The following ANO3 variants were observed in gnomAD, a reference collection of about 807,000 sequenced individuals.
ANO3 encodes anoctamin-3.
A neutral mutation model predicts 144.8 loss-of-function variants in ANO3; 99 were observed. The observed-to-expected ratio is 0.68, with a 90% CI of 0.58 to 0.81. ANO3 has a LOEUF of 0.81. ANO3 is among the 30% of genes least tolerant of loss of function. The pLI, the probability that ANO3 is intolerant of heterozygous loss-of-function variation, is 0.00. For synonymous variants in ANO3, 414 were observed against 392.6 expected (o/e 1.05, Z -0.64); for missense variants, 905 against 1,202.2 (o/e 0.75, Z 3.66).
chr11:26,594,891 G>C (rs1851562985), intron 14 of ANO3, among the ~76,000 whole-genome samples: 1 of 152,088 alleles, frequency 6.6e-6, no homozygotes, highest in Admixed American at 6.5e-5. Flanking sequence ...CTTCCCTCAG[G>C]GGGCCAGGTT....
intron 1 of ANO3, among the ~76,000 whole-genome samples, chr11:26,366,586 T>C (rs1320143089): frequency 2.0e-5 from 3 of 152,178 alleles, no homozygotes; most frequent in African/African-American, 7.2e-5. Flanking sequence ...TAGTTTACAG[T>C]CCCACCAACA....
chr11:26,579,106 G>C (rs1293257192), intron 14 of ANO3, among the ~76,000 whole-genome samples: 2 of 152,144 alleles, frequency 1.3e-5, no homozygotes, highest in Admixed American at 1.3e-4. Flanking sequence ...TATTGAAGTG[G>C]CAAAACTGAC....
At chr11:26,367,668 G>C (rs973538954) in intron 1 of ANO3, among the ~76,000 whole-genome samples, 2 of 152,060 alleles carry the variant, frequency 1.3e-5, no homozygotes, top group Non-Finnish European at 2.9e-5. Context: ...CTTGAGGCTG[G>C]GTAATTTTTA....
intron 17 of ANO3, among the ~76,000 whole-genome samples, chr11:26,614,410 T>A (rs1460448913): frequency 6.6e-6 from 1 of 152,194 alleles, no homozygotes; most frequent in African/African-American, 2.4e-5. Context: ...GAGGTCATGG[T>A]ACTGTAGGCA....
chr11:26,434,490 C>T (rs1420216693), intron 1 of ANO3, among the ~76,000 whole-genome samples: 1 of 152,082 alleles, frequency 6.6e-6, no homozygotes, highest in African/African-American at 2.4e-5. Context: ...TTTACTCTTG[C>T]TTCTCTAGTT....
At chr11:26,455,940 C>T (rs1389323065) in intron 3 of ANO3, among the ~76,000 whole-genome samples, 1 of 151,784 alleles carries the variant, frequency 6.6e-6, no homozygotes. Context: ...ACTATCTGAT[C>T]TTTGACAAAC....
intron 5 of ANO3, chr11:26,508,623 G>A: frequency 4.6e-6 from 1 of 219,336 alleles, no homozygotes; most frequent in Non-Finnish European, 8.8e-6. Context: ...GGAACTATGA[G>A]TGGTTTTCTT....
At chr11:26,636,073 G>A (rs186236818) in intron 20 of ANO3, among the ~76,000 whole-genome samples, 2 of 152,124 alleles carry the variant, frequency 1.3e-5, no homozygotes, top group Admixed American at 1.3e-4. Context: ...GGTGGCACAT[G>A]CTTCTAGTCC....
chr11:26,589,752 C>T lies in ANO3; in HGVS notation c.1448-8613C>T, dbSNP rs1056533173. Among the ~76,000 whole-genome samples, 35 of 152,194 alleles carry T rather than the reference C, an allele frequency of 2.3e-4. 1 individual carries two copies. The highest frequency in any genetic ancestry group is 8.4e-4 in the African/African-American group (35 of 41,444). ...ACATGATCCTTCCTGTCCGGCTCCTCTCACTTAGCCCTGTGTTTTCAAGGT... is the reference window on the plus strand; with the variant it reads ...ACATGATCCTTCCTGTCCGGCTCCTTTCACTTAGCCCTGTGTTTTCAAGGT... On this transcript the variant is annotated intron_variant, in intron 14 of 26. Coordinates refer to ENST00000256737, the MANE Select transcript of ANO3 (RefSeq NM_031418.4).
Position 26,661,640 on chromosome 11 carries a change from AGTTTT to A in ANO3, c.*1203_*1207del, listed in dbSNP as rs527312003. ...AGTTTTATGTTATTATTTCTTCCAT[AGTTTT>A]GTTTTGGTTTATTTTTAACAACGCT... On this transcript the variant is annotated 3_prime_UTR_variant, in exon 27 of 27. Coordinates refer to ENST00000256737, the MANE Select transcript of ANO3 (RefSeq NM_031418.4). 27 of 152,190 alleles carry A rather than the reference AGTTTT, an allele frequency of 1.8e-4. No homozygotes were observed. Among genetic ancestry groups the A allele is most frequent in the Non-Finnish European group, 3.4e-4 (23 of 67,994 alleles). The allele number at this position is 152,190 out of a possible 1,614,324, so 9.4% of individuals were successfully genotyped here.
At chr11:26,628,962 T>C (rs1013423005) in intron 18 of ANO3, among the ~76,000 whole-genome samples, 1 of 152,080 alleles carries the variant, frequency 6.6e-6, no homozygotes, top group Non-Finnish European at 1.5e-5. Flanking sequence ...GACAAGCCCC[T>C]ATACACAAGT....
At chr11:26,392,970 A>G (rs541619985) in intron 1 of ANO3, among the ~76,000 whole-genome samples, 1 of 152,256 alleles carries the variant, frequency 6.6e-6, no homozygotes, top group East Asian at 1.9e-4. Flanking sequence ...TGTAAATTCT[A>G]TAACTACATA....
At chr11:26,530,488 TCTATCTATCTATC>T (rs1198861111) in intron 7 of ANO3, among the ~76,000 whole-genome samples, 17 of 29,110 alleles carry the variant, frequency 5.8e-4, no homozygotes, top group Non-Finnish European at 1.6e-3. Context: ...TATCTATCTA[TCTATCTATCTATC>T]ATCTATCTAT....
chr11:26,220,046 A>C (rs370264624), intron 1 of ANO3, among the ~76,000 whole-genome samples: 21 of 152,308 alleles, frequency 1.4e-4, no homozygotes, highest in African/African-American at 5.1e-4. Flanking sequence ...CATTCTACCA[A>C]AGAATTACAA....
At position 26,660,549 on chromosome 11, in the gene ANO3, A is replaced by C. The variant is rs1565173452; in HGVS notation, c.*105A>C. On this transcript the variant is annotated 3_prime_UTR_variant, in exon 27 of 27. Coordinates refer to ENST00000256737, the MANE Select transcript of ANO3 (RefSeq NM_031418.4). ...GAGGAAGGCATACTTGGCAAACCAC[A>C]TGTATAATATGCTACTTGGAAATGT... is the stretch of plus-strand genomic sequence containing the variant. 2 of 943,636 alleles carry C rather than the reference A, an allele frequency of 2.1e-6. No homozygotes were observed. The highest frequency in any genetic ancestry group is 3.1e-6 in the Non-Finnish European group (2 of 640,264). The allele number at this position is 943,636 out of a possible 1,614,324, so 58.5% of individuals were successfully genotyped here. A position where few individuals can be genotyped will look rare whatever the true frequency, so the allele number is the denominator to read the frequency against.
intron 1 of ANO3, among the ~76,000 whole-genome samples, chr11:26,289,206 G>C (rs1261050928): frequency 6.6e-6 from 1 of 151,858 alleles, no homozygotes; most frequent in African/African-American, 2.4e-5. Flanking sequence ...AAAAGTAGCA[G>C]GAAACAGATA....
chr11:26,410,012 C>G (rs1390992556), intron 1 of ANO3, among the ~76,000 whole-genome samples: 2 of 151,924 alleles, frequency 1.3e-5, no homozygotes. Context: ...CTGCCACATT[C>G]AATACTTTCA....
intron 20 of ANO3, among the ~76,000 whole-genome samples, chr11:26,635,604 T>A (rs1005451111): frequency 6.6e-6 from 1 of 152,160 alleles, no homozygotes; most frequent in Non-Finnish European, 1.5e-5. Flanking sequence ...ATGCCACCCC[T>A]ACCTAGACTG....
rs1018146151 is a variant in ANO3, at chr11:26,633,723, A to G, written c.1874-481A>G. On this transcript the variant is annotated intron_variant, in intron 18 of 26. Coordinates refer to ENST00000256737, the MANE Select transcript of ANO3 (RefSeq NM_031418.4). ...TCATCAAGTGTGAACAGTAGATATTATCATTCACATTTTACAGACACAGAT... is the reference window on the plus strand; with the variant it reads ...TCATCAAGTGTGAACAGTAGATATTGTCATTCACATTTTACAGACACAGAT... 2.0e-5 allele frequency among the ~76,000 whole-genome samples: 3 copies of G among 152,344 alleles called. No individual in the cohort carries two copies. In the South Asian group the frequency reaches 6.2e-4, roughly 32 times the overall value.
Sources: allele counts gnomAD v4.1 joint callset (sites outside exome capture counted in the v4.1 genomes callset), GRCh38; gene constraint gnomAD v4.1.1; transcripts MANE v1.5; gene names NCBI Gene and HGNC (gene_info 2026-07-23, HGNC 2026-07-21).